Variants in SYNE2 observed in about 807,000 individuals in gnomAD.
SYNE2 encodes spectrin repeat containing nuclear envelope protein 2, also known as nesprin-2.
SYNE2 carries 431 observed loss-of-function variants against 856.3 expected under a neutral mutation model. The ratio of observed to expected loss-of-function variants is 0.50; its 90% confidence interval spans 0.47 to 0.55. SYNE2 has a LOEUF of 0.55. Among genes scored for constraint, SYNE2 ranks in the 20% least tolerant of loss-of-function variants. The pLI is 0.00. For synonymous variants in SYNE2, 2,923 were observed against 2,872.3 expected, an observed-to-expected ratio of 1.02 and a Z score of -0.56; for missense variants, 8,129 against 8,023.2, an observed-to-expected ratio of 1.01 and a Z score of -0.50.
intron 64 of SYNE2, among the ~76,000 whole-genome samples, chr14:64,103,145 A>G (rs1208518229): frequency 1.3e-5 from 2 of 152,200 alleles, no homozygotes; most frequent in Admixed American, 1.3e-4. Flanking sequence ...GACAGCCTTA[A>G]TGAGCACCTG....
At chr14:63,902,266 CCGTGTGTGGTGGTA>C (rs1366012183) in intron 1 of SYNE2, among the ~76,000 whole-genome samples, 11 of 151,790 alleles carry the variant, frequency 7.2e-5, no homozygotes, top group Non-Finnish European at 1.6e-4. Context: ...CAAAAATTAG[CCGTGTGTGGTGGTA>C]CGTGCCTGTA....
chr14:63,937,859 A>T (rs1317457097), intron 2 of SYNE2, among the ~76,000 whole-genome samples: 2 of 152,180 alleles, frequency 1.3e-5, no homozygotes, highest in Non-Finnish European at 2.9e-5. Flanking sequence ...CTTAAAATGG[A>T]TAAGAATGAA....
intron 2 of SYNE2, among the ~76,000 whole-genome samples, chr14:63,932,628 G>A (rs1041352950): frequency 7.9e-5 from 12 of 152,110 alleles, no homozygotes; most frequent in African/African-American, 2.9e-4. Flanking sequence ...CACTTGAGCC[G>A]TGGAGTTCCA....
chr14:64,082,228 G>A (rs932378888), intron 57 of SYNE2, among the ~76,000 whole-genome samples: 5 of 152,040 alleles, frequency 3.3e-5, no homozygotes, highest in African/African-American at 1.2e-4. Flanking sequence ...GAATATGATG[G>A]GATAGTCCCT....
At chr14:63,971,599 A>G (rs900724102) in intron 11 of SYNE2, among the ~76,000 whole-genome samples, 25 of 149,556 alleles carry the variant, frequency 1.7e-4, no homozygotes, top group African/African-American at 6.1e-4. Context: ...TTTTTGCTCT[A>G]AACAACCATA....
rs778445949 is a variant in SYNE2 at position 64,051,534 on chromosome 14, C to T, written c.7644-23C>T. ...AGAATAAGCATTAAATATTAACAAGCTCTATTTTTATTCTTTTTCTAGAGG... is the reference window on the plus strand; with the variant it reads ...AGAATAAGCATTAAATATTAACAAGTTCTATTTTTATTCTTTTTCTAGAGG... On this transcript the variant is annotated intron_variant, in intron 47 of 115. Transcript: ENST00000555002. 42 of 1,594,070 alleles carry T rather than the reference C, an allele frequency of 2.6e-5. No homozygotes were observed. In the East Asian group the frequency reaches 9.0e-4, roughly 34 times the overall value.
rs372262954 is a variant in SYNE2, at chr14:64,132,372, A to T, written c.14448A>T (p.Val4816=). 2 of 1,614,090 alleles carry T rather than the reference A, an allele frequency of 1.2e-6. No individual in the cohort carries two copies. The highest frequency in any genetic ancestry group is 2.7e-5 in the African/African-American group (2 of 74,924). Residue 4816 remains valine, a synonymous_variant, in exon 77 of 116, where the codon GTA becomes GTT. Coordinates refer to ENST00000555002, the MANE Select transcript of SYNE2 (RefSeq NM_182914.3). ...GAGAGACATTTTGGGCAGAACAAGTAACAGAAGTTAAAATACTAGAAGAAA... is the reference window on the plus strand; with the variant it reads ...GAGAGACATTTTGGGCAGAACAAGTTACAGAAGTTAAAATACTAGAAGAAA... ...QNRETFWAEQ[V]TEVKILEEKS...
chr14:63,941,938 C>G lies in SYNE2; in HGVS notation c.291C>G (p.Ala97=), dbSNP rs1566861564. The G allele has an allele frequency of 1.9e-6, 3 of 1,612,910 alleles. No homozygotes were observed. Among genetic ancestry groups the G allele is most frequent in the Admixed American group, 1.7e-5 (1 of 60,012 alleles). ...AGTGTAGAATCAATATAGAACATGC[C>G]TTGACATTCCTAAGAAACCGATCAG... ...TFQCRINIEH[A]LTFLRNRSIK... The change falls in exon 5 of 116, where the codon GCC becomes GCG. Residue 97 remains alanine, a synonymous_variant. Transcript: ENST00000555002.
rs185736549 is a variant in SYNE2 at position 64,031,497 on chromosome 14, G to A, written c.7221+140G>A. ...TCCTGGCTATTTATGAAGCCTACTT[G>A]TAAAAAGAGCTCTTAGAAAATTGTC... On this transcript the variant is annotated intron_variant, in intron 45 of 115. Transcript: ENST00000555002. The A allele has an allele frequency of 3.4e-3, 2,679 of 777,428 alleles. 66 individuals carry two copies. The highest frequency in any genetic ancestry group is 2.8e-4 in the Non-Finnish European group (128 of 463,294). 48.2% of individuals were successfully genotyped at this position (777,428 alleles called of 1,614,324 possible).
chr14:64,021,294 T>G (rs1257916141), intron 35 of SYNE2, 21 bp from the exon 36 acceptor site: 1 of 1,587,476 alleles, frequency 6.3e-7, no homozygotes. Flanking sequence ...TTATACAACT[T>G]CATATATTTC....
At chr14:64,013,458 T>G (rs1194680450) in intron 32 of SYNE2, among the ~76,000 whole-genome samples, 3 of 151,990 alleles carry the variant, frequency 2.0e-5, no homozygotes, top group Non-Finnish European at 4.4e-5. Flanking sequence ...AATAGGTAAA[T>G]TTTCAGCCCT....
At chr14:63,957,264 A>ATTTTTT (rs4027476) in intron 8 of SYNE2, among the ~76,000 whole-genome samples, 1 of 110,810 alleles carries the variant, frequency 9.0e-6, no homozygotes, top group Non-Finnish European at 1.8e-5. Context: ...TGCCCAGCTA[A>ATTTTTT]TTTTTTTTTT....
rs778863123 is a variant in SYNE2, at chr14:63,990,496, G to A, written c.2399G>A (p.Ser800Asn). 3 of 1,613,700 alleles carry A rather than the reference G, an allele frequency of 1.9e-6. No individual in the cohort carries two copies. Among genetic ancestry groups the A allele is most frequent in the Non-Finnish European group, 2.5e-6 (3 of 1,179,886 alleles). The change falls in exon 20 of 116, where the codon AGC (serine) becomes AAC (asparagine). Residue 800 changes from serine to asparagine, a missense_variant. Physicochemically the swap from Ser to Asn is conservative, Grantham distance 46 (BLOSUM62 1). Coordinates refer to ENST00000555002, the MANE Select transcript of SYNE2 (RefSeq NM_182914.3). ...MLQMDIQNIS[S>N]QESFQHVLTT... ...CAAATGGATATACAAAATATTTCAA[G>A]CCAGGAGTCCTTTCAACATGTTCTC...
At chr14:63,835,360 A>G (rs896895324) in intron 1 of SYNE2, among the ~76,000 whole-genome samples, 1 of 152,088 alleles carries the variant, frequency 6.6e-6, no homozygotes, top group African/African-American at 2.4e-5. Flanking sequence ...CAGCCTCCTG[A>G]GTAGCTGGGA....
chr14:64,093,320 G>T (rs188996037), intron 60 of SYNE2, 29 bp from the exon 61 acceptor site: 3 of 1,612,588 alleles, frequency 1.9e-6, no homozygotes, highest in Non-Finnish European at 1.7e-6. Context: ...TTATGACAAA[G>T]ATTCTTTTTT....
intron 1 of SYNE2, among the ~76,000 whole-genome samples, chr14:63,764,342 C>T (rs541031522): frequency 1.3e-5 from 2 of 152,110 alleles, no homozygotes; most frequent in African/African-American, 2.4e-5. Context: ...ATTGTTTACA[C>T]GAGGGATGAA....
intron 2 of SYNE2, among the ~76,000 whole-genome samples, chr14:63,929,634 G>T (rs983766619): frequency 3.9e-5 from 6 of 152,066 alleles, no homozygotes; most frequent in African/African-American, 1.4e-4. Context: ...AGCTGGGCGT[G>T]GGGGTGGGCG....
chr14:63,932,480 G>C (rs767758518), intron 2 of SYNE2, among the ~76,000 whole-genome samples: 6 of 152,172 alleles, frequency 3.9e-5, no homozygotes, highest in Non-Finnish European at 7.3e-5. Flanking sequence ...CCTCAGGTGG[G>C]TGGATCGCCT....
intron 24 of SYNE2, 35 bp downstream of exon 24, chr14:63,997,193 T>C (rs2096720119): frequency 6.2e-7 from 1 of 1,603,372 alleles, no homozygotes. Context: ...CCCTTCAGGA[T>C]AAAACGAAGC....
Sources: gnomAD v4.1 joint callset for allele counts (sites outside exome capture counted in the v4.1 genomes callset) on GRCh38, gnomAD v4.1.1 for gene constraint, MANE v1.5 for transcripts, NCBI Gene and HGNC (gene_info 2026-07-23, HGNC 2026-07-21) for gene names.